Variants in DUSP5 observed in about 807,000 individuals in gnomAD.
The protein encoded by DUSP5 is dual specificity phosphatase 5, also known as dual specificity protein phosphatase 5.
A neutral mutation model predicts 33.6 loss-of-function variants in DUSP5; 22 were observed. That is an observed-to-expected ratio of 0.66 (90% confidence interval 0.47 to 0.94). DUSP5 has a LOEUF of 0.94. Among genes scored for constraint, DUSP5 ranks in the 40% least tolerant of loss-of-function variants. DUSP5 has a pLI of 0.00. For synonymous variants in DUSP5, 270 were observed against 231.1 expected (o/e 1.17, Z -1.53); for missense variants, 551 against 522.1 (o/e 1.06, Z -0.54).
At position 110,506,942 on chromosome 10, in the gene DUSP5, C is replaced by T; in HGVS notation, c.536C>T (p.Pro179Leu). 1 of 1,614,234 alleles carries T rather than the reference C, an allele frequency of 6.2e-7. No individual in the cohort carries two copies. Among genetic ancestry groups the T allele is most frequent in the Non-Finnish European group, 8.5e-7 (1 of 1,180,024 alleles). The change falls in exon 3 of 4, where the codon CCA becomes CTA. Residue 179 changes from proline to leucine, a missense_variant. Transcript: ENST00000369583. ...SYRPAYDQGG[P>L]VEILPFLYLG... The stretch of plus-strand genomic sequence containing the variant: ...CTTTGTCCCTGCATCCAGGGTGGCC[C>T]AGTTGAAATCCTTCCCTTCCTCTAC...
At position 110,511,102 on chromosome 10, in the gene DUSP5, A is replaced by G. The variant is rs1860187618; in HGVS notation, c.*676A>G. The G allele has an allele frequency of 6.6e-6, 1 of 152,624 alleles. No homozygotes were observed. Among genetic ancestry groups the G allele is most frequent in the Non-Finnish European group, 1.5e-5 (1 of 68,044 alleles). 9.5% of individuals were successfully genotyped at this position (152,624 alleles called of 1,614,324 possible). On this transcript the variant is annotated 3_prime_UTR_variant, in exon 4 of 4. Transcript: ENST00000369583. Reference sequence around the variant, plus strand: ...TGGCATGATTCTTAGTCATACTTGAACTTGTCTCATTCCACCTCTTCTCAG... The same window carrying G: ...TGGCATGATTCTTAGTCATACTTGAGCTTGTCTCATTCCACCTCTTCTCAG...
chr10:110,507,046 C>T lies in DUSP5; in HGVS notation c.640C>T (p.Arg214Trp), dbSNP rs144264318. Residue 214 changes from arginine (R) to tryptophan (W), a missense_variant, in exon 3 of 4, where the codon CGG becomes TGG. Transcript: ENST00000369583. ...CACAGCCCTGCTGAATGTCTCCCGA[C>T]GGACCTCCGAGGCCTGCGCGACCCA... ...HITALLNVSR[R>W]TSEACATHLH... is the part of the protein sequence containing the mutation. 224 of 1,614,250 alleles carry T rather than the reference C, an allele frequency of 1.4e-4. No individual in the cohort carries two copies. The highest frequency in any genetic ancestry group is 1.7e-4 in the Non-Finnish European group (204 of 1,180,050).
At chr10:110,501,844 A>G (rs528305533) in intron 1 of DUSP5, among the ~76,000 whole-genome samples, 1 of 152,072 alleles carries the variant, frequency 6.6e-6, no homozygotes, top group South Asian at 2.1e-4. Flanking sequence ...AGGCTTACTT[A>G]TATTTGCAAG....
At chr10:110,501,970 G>GA (rs201464648) in intron 1 of DUSP5, among the ~76,000 whole-genome samples, 1 of 151,632 alleles carries the variant, frequency 6.6e-6, no homozygotes, top group African/African-American at 2.4e-5. Flanking sequence ...TTGATTGGGG[G>GA]GGGGGTGCAG....
At position 110,498,547 on chromosome 10, in the gene DUSP5, G is replaced by C. The variant is rs751741045; in HGVS notation, c.379+47G>C. ...CACGCTCGCCCCTCCGGCGCCCCCG[G>C]GTCCCCTCCCTGCGCCGGGGCGCCC... is the stretch of plus-strand genomic sequence containing the variant. On this transcript the variant is annotated intron_variant, in intron 1 of 3. Transcript: ENST00000369583. The C allele has an allele frequency of 2.4e-5, 34 of 1,391,068 alleles. 1 individual carries two copies. The highest frequency in any genetic ancestry group is 3.1e-5 in the Non-Finnish European group (33 of 1,074,936). 86.2% of individuals were successfully genotyped at this position (1,391,068 alleles called of 1,614,324 possible). A position where few individuals can be genotyped will look rare whatever the true frequency, so the allele number is the denominator to read the frequency against.
Position 110,510,222 on chromosome 10 carries a change from C to T in DUSP5, c.951C>T (p.Ile317=). 1 of 1,614,218 alleles carries T rather than the reference C, an allele frequency of 6.2e-7. No individual in the cohort carries two copies. Among genetic ancestry groups the T allele is most frequent in the East Asian group, 2.2e-5 (1 of 44,878 alleles). The change falls in exon 4 of 4, where the codon ATC becomes ATT. Residue 317 remains isoleucine, a synonymous_variant. Coordinates refer to ENST00000369583, the MANE Select transcript of DUSP5 (RefSeq NM_004419.4). ...AGCTCCTGCAGTACGAATCTGAGAT[C>T]CTGCCCTCCACGCCCAACCCCCAGC... ...MGQLLQYESE[I]LPSTPNPQPP... is the part of the protein sequence containing the mutation.
chr10:110,502,922 C>T (rs2134659390), intron 2 of DUSP5, 53 bp downstream of exon 2: 1 of 1,605,544 alleles, frequency 6.2e-7, no homozygotes, highest in Admixed American at 1.7e-5. Context: ...GGGCTCCTGT[C>T]TCCCTTCCTT....
intron 1 of DUSP5, 101 bp from the exon 2 acceptor site, chr10:110,502,620 T>A: frequency 7.2e-7 from 1 of 1,396,724 alleles, no homozygotes; most frequent in South Asian, 1.4e-5. Context: ...TTTTTTTTCT[T>A]AACTGTGTAA....
chr10:110,503,164 A>T (rs1227233895), intron 2 of DUSP5, among the ~76,000 whole-genome samples: 1 of 152,210 alleles, frequency 6.6e-6, no homozygotes, highest in Non-Finnish European at 1.5e-5. Flanking sequence ...CATTATTGTC[A>T]TCTGGCTTCG....
chr10:110,510,590 C>A lies in DUSP5; in HGVS notation c.*164C>A. ...GGCTTGCAAATGAACTTCAGACGGA[C>A]CTCAGGGTAGGTTCTCGGGACTGAA... On this transcript the variant is annotated 3_prime_UTR_variant, in exon 4 of 4. Coordinates refer to ENST00000369583, the MANE Select transcript of DUSP5 (RefSeq NM_004419.4). The A allele has an allele frequency of 9.8e-7, 1 of 1,023,720 alleles. No homozygotes were observed. The highest frequency in any genetic ancestry group is 1.4e-6 in the Non-Finnish European group (1 of 728,806). 63.4% of individuals were successfully genotyped at this position (1,023,720 alleles called of 1,614,324 possible).
chr10:110,502,610 T>C lies in DUSP5; in HGVS notation c.380-111T>C, dbSNP rs990136089. ...AATGACCAGAATCTGTACTGGCTTATTTTTTTTCTTAACTGTGTAACACTC... is the reference window on the plus strand; with the variant it reads ...AATGACCAGAATCTGTACTGGCTTACTTTTTTTCTTAACTGTGTAACACTC... On this transcript the variant is annotated intron_variant, in intron 1 of 3. Coordinates refer to ENST00000369583, the MANE Select transcript of DUSP5 (RefSeq NM_004419.4). The C allele has an allele frequency of 6.9e-6, 9 of 1,311,952 alleles. No homozygotes were observed. The African/African-American group carries it at 1.2e-4, about 17-fold the overall frequency. 81.3% of individuals were successfully genotyped at this position (1,311,952 alleles called of 1,614,324 possible).
At position 110,503,222 on chromosome 10, in the gene DUSP5, AT is replaced by A. The variant is rs1390512641; in HGVS notation, c.528+356del. Among the ~76,000 whole-genome samples the A allele has an allele frequency of 2.6e-5, 4 of 152,334 alleles. No individual in the cohort carries two copies. In the South Asian group the frequency reaches 8.3e-4, roughly 32 times the overall value. ...TACTGGTCTAGGTTTCCCTGAAGACATTTCAGAGTTGACTTTCAGGCTTCCT... is the reference window on the plus strand; with the variant it reads ...TACTGGTCTAGGTTTCCCTGAAGACATTCAGAGTTGACTTTCAGGCTTCCT... On this transcript the variant is annotated intron_variant, in intron 2 of 3. Coordinates refer to ENST00000369583, the MANE Select transcript of DUSP5 (RefSeq NM_004419.4).
At chr10:110,506,160 T>C (rs1860115919) in intron 2 of DUSP5, among the ~76,000 whole-genome samples, 1 of 152,174 alleles carries the variant, frequency 6.6e-6, no homozygotes, top group Admixed American at 6.5e-5. Flanking sequence ...CTAGGCTTGG[T>C]AGCTCATGCC....
At chr10:110,498,672 C>G (rs1450111361) in intron 1 of DUSP5, among the ~76,000 whole-genome samples, 172 bp downstream of exon 1, 1 of 152,202 alleles carries the variant, frequency 6.6e-6, no homozygotes, top group Admixed American at 6.5e-5. Context: ...GCACTCAGAG[C>G]TCCCCCTCTT....
At chr10:110,508,316 G>C (rs1193016864) in intron 3 of DUSP5, among the ~76,000 whole-genome samples, 1 of 152,126 alleles carries the variant, frequency 6.6e-6, no homozygotes, top group Non-Finnish European at 1.5e-5. Flanking sequence ...CTGTCCCTGG[G>C]AATGCCTTGC....
At chr10:110,501,952 T>G (rs1860054954) in intron 1 of DUSP5, among the ~76,000 whole-genome samples, 1 of 142,364 alleles carries the variant, frequency 7.0e-6, no homozygotes, top group South Asian at 2.5e-4. Flanking sequence ...ATGCCGTAAG[T>G]TGACTTATTG....
At chr10:110,506,813 A>T in intron 2 of DUSP5, 122 bp from the exon 3 acceptor site, 1 of 1,090,012 alleles carries the variant, frequency 9.2e-7, no homozygotes. Context: ...TCTGAACTCC[A>T]CTTGGAAACC....
At chr10:110,499,075 T>C (rs1438634604) in intron 1 of DUSP5, among the ~76,000 whole-genome samples, 3 of 152,164 alleles carry the variant, frequency 2.0e-5, no homozygotes, top group African/African-American at 7.2e-5. Context: ...GTCTTTTCTC[T>C]AGCTCAGTTT....
rs182702640 is a variant in DUSP5 at position 110,508,272 on chromosome 10, G to A, written c.748+1118G>A. On this transcript the variant is annotated intron_variant, in intron 3 of 3. Transcript: ENST00000369583. ...GGAGCTTGAAAGGCAGCCAAATGAT[G>A]GGTTCAGGGTGGGAAACCCTTGACT... Among the ~76,000 whole-genome samples, 7 of 152,256 alleles carry A rather than the reference G, an allele frequency of 4.6e-5. No individual in the cohort carries two copies. The East Asian group carries it at 1.2e-3, about 25-fold the overall frequency.
Sources: allele counts gnomAD v4.1 joint callset (sites outside exome capture counted in the v4.1 genomes callset), GRCh38; gene constraint gnomAD v4.1.1; transcripts MANE v1.5; gene names NCBI Gene and HGNC (gene_info 2026-07-23, HGNC 2026-07-21).